The following ZNF43 variants were observed in gnomAD, a reference collection of about 807,000 sequenced individuals.
The protein encoded by ZNF43 is zinc finger protein 39-like 1 (KOX 27).
In ZNF43, 44 loss-of-function variants were observed where a neutral mutation model predicts 68.4. That is an observed-to-expected ratio of 0.64 (90% CI 0.51 to 0.83). ZNF43 has a LOEUF of 0.83. Ranked by LOEUF, ZNF43 falls within the 40% of genes least tolerant of loss-of-function variation. The probability of loss-of-function intolerance (pLI) is 0.00; values close to 1 mark genes in which losing one functional copy is unlikely to be tolerated. For missense variants in ZNF43, 896 were observed against 933.2 expected (o/e 0.96, Z 0.52); for synonymous variants, 308 against 307.8 (o/e 1.00, Z -0.01).
intron 1 of ZNF43, among the ~76,000 whole-genome samples, chr19:21,833,065 T>C (rs2038499596): frequency 6.6e-6 from 1 of 152,202 alleles, no homozygotes. Flanking sequence ...TCACCACTTA[T>C]ATACCACGTT....
At chr19:21,851,807 C>T in intron 1 of ZNF43, 2 of 1,337,138 alleles carry the variant, frequency 1.5e-6, no homozygotes, top group East Asian at 2.7e-5. Flanking sequence ...CGGAGCTGCG[C>T]CAGCGACCAG....
At chr19:21,822,147 T>C (rs148299555) in intron 1 of ZNF43, among the ~76,000 whole-genome samples, 27 of 152,048 alleles carry the variant, frequency 1.8e-4, no homozygotes, top group African/African-American at 6.3e-4. Context: ...GAGATGCTAA[T>C]ATGAGTTTCA....
chr19:21,808,477 C>T lies in ZNF43; in HGVS notation c.1560G>A (p.Lys520=), dbSNP rs2037082110. ...TATGTTCAGTAAGCTTTGAGGACCA[C>T]TTAAAAGCTTTGCCACATTCTTCAC... ...YKCEECGKAF[K]WSSKLTEHKI... The change falls in exon 4 of 4, where the codon AAG becomes AAA. Residue 520 remains lysine, a synonymous_variant. Coordinates refer to ENST00000354959, the MANE Select transcript of ZNF43 (RefSeq NM_003423.4). 6.2e-7 allele frequency: 1 copy of T among 1,606,376 alleles called. No homozygotes were observed. Among genetic ancestry groups the T allele is most frequent in the Non-Finnish European group, 8.5e-7 (1 of 1,177,890 alleles).
chr19:21,820,704 C>T (rs991050643), intron 1 of ZNF43, among the ~76,000 whole-genome samples: 3 of 151,982 alleles, frequency 2.0e-5, no homozygotes, highest in Admixed American at 6.6e-5. Flanking sequence ...TGCTGATGCA[C>T]GCAAAAAGAC....
Position 21,809,460 on chromosome 19 carries a change from T to C in ZNF43, c.577A>G (p.Lys193Glu). Reference protein sequence around the residue: ...FCMLPHLAQHKIIHTRVNFCK... With the variant: ...FCMLPHLAQHEIIHTRVNFCK... ...AAATTCACTCTGGTATGAATTATTT[T>C]ATGTTGAGCTAGATGTGGAAGCATG... is the stretch of plus-strand genomic sequence containing the variant. Residue 193 changes from lysine (K) to glutamate (E), a missense_variant, in exon 4 of 4, where the codon AAA becomes GAA. Lys to Glu is a moderately conservative substitution (Grantham distance 56, BLOSUM62 1). Coordinates refer to ENST00000354959, the MANE Select transcript of ZNF43 (RefSeq NM_003423.4). 1 of 1,613,890 alleles carries C rather than the reference T, an allele frequency of 6.2e-7. No homozygotes were observed. Among genetic ancestry groups the C allele is most frequent in the Non-Finnish European group, 8.5e-7 (1 of 1,179,902 alleles).
intron 1 of ZNF43, among the ~76,000 whole-genome samples, chr19:21,822,781 G>A (rs2145247232): frequency 6.6e-6 from 1 of 151,868 alleles, no homozygotes; most frequent in East Asian, 1.9e-4. Context: ...CTCCAGCCTG[G>A]GTGACAGAGC....
rs145455934 is a variant in ZNF43, at chr19:21,847,918, T to C, written c.30+3987A>G. ...GCGCATCTTGGCTCTGCAACCTCCA[T>C]GTCCCGCAATTCTCCTGTCTCAGCC... On this transcript the variant is annotated intron_variant, in intron 1 of 3. Coordinates refer to the ZNF43 transcript ENST00000357491. 1.7e-3 allele frequency among the ~76,000 whole-genome samples: 259 copies of C among 150,968 alleles called. 2 individuals carry two copies. Among genetic ancestry groups the C allele is most frequent in the African/African-American group, 5.3e-3 (218 of 41,038 alleles).
intron 1 of ZNF43, among the ~76,000 whole-genome samples, chr19:21,835,249 CAAAAAAAAA>C (rs377486360): frequency 2.1e-4 from 17 of 82,580 alleles, no homozygotes; most frequent in African/African-American, 6.5e-4. Flanking sequence ...AAGTCCATCT[CAAAAAAAAA>C]AAAAAAAAGA....
chr19:21,819,465 G>A (rs953801991), intron 1 of ZNF43, among the ~76,000 whole-genome samples: 8 of 152,150 alleles, frequency 5.3e-5, no homozygotes, highest in Non-Finnish European at 8.8e-5. Flanking sequence ...ATACTTTTCT[G>A]GATGATAAAC....
chr19:21,852,000 G>A (rs549731793), exon 1 of ZNF43: 58 of 1,503,276 alleles, frequency 3.9e-5, no homozygotes, highest in East Asian at 3.4e-4. Context: ...AAGTCACCGG[G>A]GATTCCCGAG....
At chr19:21,833,234 GA>G (rs139274911) in intron 1 of ZNF43, among the ~76,000 whole-genome samples, 6,456 of 152,086 alleles carry the variant, frequency 0.042, 405 homozygotes, top group African/African-American at 0.14. Flanking sequence ...CTCACTCTGG[GA>G]AAGAGAAAGG....
chr19:21,808,818 A>G lies in ZNF43; in HGVS notation c.1219T>C (p.Phe407Leu). 1 of 1,612,668 alleles carries G rather than the reference A, an allele frequency of 6.2e-7. No homozygotes were observed. Among genetic ancestry groups the G allele is most frequent in the African/African-American group, 1.3e-5 (1 of 74,620 alleles). Residue 407 changes from phenylalanine to leucine, a missense_variant, in exon 4 of 4, where the codon TTT (phenylalanine) becomes CTT (leucine). Physicochemically the swap from Phe to Leu is conservative, Grantham distance 22. Transcript: ENST00000354959. ...PYKCEECGKA[F>L]KWSSKLTEHK... is the part of the protein sequence containing the mutation. ...TCAGTAAGCTTTGAGGACCACTTAA[A>G]AGCTTTGCCACATTCTTCACATTTG...
intron 1 of ZNF43, among the ~76,000 whole-genome samples, chr19:21,820,508 G>T (rs1381274409): frequency 6.6e-6 from 1 of 150,986 alleles, no homozygotes; most frequent in Non-Finnish European, 1.5e-5. Flanking sequence ...AACCCAGGAG[G>T]CAGAGGTTGC....
rs1599432334 is a variant in ZNF43, at chr19:21,805,541, C to A, written c.*2066G>T. On this transcript the variant is annotated 3_prime_UTR_variant, in exon 4 of 4. Coordinates refer to ENST00000354959, the MANE Select transcript of ZNF43 (RefSeq NM_003423.4). ...GGCTGAGGCAGGAGAATGGAGTGAA[C>A]CTGGGAGGCGGAGCTTGCAGTGAGC... is the stretch of plus-strand genomic sequence containing the variant. The A allele has an allele frequency of 1.3e-5, 2 of 151,662 alleles. No individual in the cohort carries two copies. Among genetic ancestry groups the A allele is most frequent in the Admixed American group, 6.6e-5 (1 of 15,206 alleles). 9.4% of individuals were successfully genotyped at this position (151,662 alleles called of 1,614,324 possible). A position where few individuals can be genotyped will look rare whatever the true frequency, so the allele number is the denominator to read the frequency against.
intron 1 of ZNF43, chr19:21,851,201 C>T (rs1265215768): frequency 2.6e-5 from 4 of 152,172 alleles, no homozygotes; most frequent in African/African-American, 4.8e-5. Context: ...AATTATCCAA[C>T]TTTTGACAGC....
intron 1 of ZNF43, among the ~76,000 whole-genome samples, chr19:21,829,374 G>T (rs1234021878): frequency 6.6e-6 from 1 of 152,134 alleles, no homozygotes; most frequent in African/African-American, 2.4e-5. Context: ...TTCTGTCAAA[G>T]AAATTTATTC....
intron 1 of ZNF43, among the ~76,000 whole-genome samples, chr19:21,847,281 G>A (rs753419001): frequency 3.3e-5 from 5 of 152,128 alleles, no homozygotes; most frequent in South Asian, 2.1e-4. Flanking sequence ...GGAGACTTCC[G>A]ACCTTTAGGT....
At chr19:21,841,033 C>A (rs960734175), upstream of ZNF43, 2 of 152,202 alleles carry the variant, frequency 1.3e-5, no homozygotes, top group Non-Finnish European at 2.9e-5. Flanking sequence ...ACAATGCTAA[C>A]ATTTGGTAGG....
At chr19:21,826,919 C>T (rs1402550685) in intron 1 of ZNF43, 2 of 152,072 alleles carry the variant, frequency 1.3e-5, no homozygotes, top group Non-Finnish European at 2.9e-5. Flanking sequence ...TCACAGGCAC[C>T]ATGGGACACT....
Sources: allele counts gnomAD v4.1 joint callset (sites outside exome capture counted in the v4.1 genomes callset), GRCh38; gene constraint gnomAD v4.1.1; transcripts MANE v1.5; gene names NCBI Gene and HGNC (gene_info 2026-07-23, HGNC 2026-07-21).